SYNDIG1: variants seen among roughly 807,000 people sequenced by gnomAD.
SYNDIG1 encodes the protein synapse differentiation-inducing gene protein 1.
SYNDIG1 carries 9 observed loss-of-function variants against 19.4 expected under a neutral mutation model. The ratio of observed to expected loss-of-function variants is 0.46; its 90% CI spans 0.28 to 0.81. The LOEUF (loss-of-function observed/expected upper bound fraction) is 0.81. Among genes scored for constraint, SYNDIG1 ranks in the 30% least tolerant of loss-of-function variants. The pLI is 0.12. For missense variants in SYNDIG1, 311 were observed against 343.3 expected (o/e 0.91, Z 0.74); for synonymous variants, 141 against 145.9 (o/e 0.97, Z 0.24).
Position 24,543,064 on chromosome 20 carries a change from C to CACCA in SYNDIG1, c.-33_-30dup. ...GCAAGTGTAACCTACATTCCCAGCC[C>CACCA]ACCAGCCTGACGCCCAGCCAGGGAG... On this transcript the variant is annotated 5_prime_UTR_variant, in exon 2 of 4. Coordinates refer to ENST00000376862, the MANE Select transcript of SYNDIG1 (RefSeq NM_024893.3). The CACCA allele has an allele frequency of 6.3e-7, 1 of 1,595,732 alleles. No individual in the cohort carries two copies. Among genetic ancestry groups the CACCA allele is most frequent in the Non-Finnish European group, 8.6e-7 (1 of 1,168,066 alleles).
chr20:24,533,620 G>A (rs1276682371), intron 1 of SYNDIG1, among the ~76,000 whole-genome samples: 1 of 152,062 alleles, frequency 6.6e-6, no homozygotes, highest in Non-Finnish European at 1.5e-5. Flanking sequence ...TGTACAGCAA[G>A]TTGATCTCTG....
chr20:24,490,924 G>A (rs2056129070), intron 1 of SYNDIG1, among the ~76,000 whole-genome samples: 1 of 152,186 alleles, frequency 6.6e-6, no homozygotes, highest in African/African-American at 2.4e-5. Flanking sequence ...AATCCCAGAG[G>A]AGAAGGCCTG....
At chr20:24,572,503 G>C (rs2058160600) in intron 2 of SYNDIG1, among the ~76,000 whole-genome samples, 1 of 152,188 alleles carries the variant, frequency 6.6e-6, no homozygotes, top group Non-Finnish European at 1.5e-5. Context: ...CCACTGCCTG[G>C]AACTCTTGAG....
chr20:24,546,687 G>A (rs1350822955), intron 2 of SYNDIG1, among the ~76,000 whole-genome samples: 1 of 152,212 alleles, frequency 6.6e-6, no homozygotes, highest in Non-Finnish European at 1.5e-5. Flanking sequence ...CTCAGTCAGT[G>A]TGGGAGAGAC....
At chr20:24,488,239 G>C (rs2056026079) in intron 1 of SYNDIG1, among the ~76,000 whole-genome samples, 1 of 152,194 alleles carries the variant, frequency 6.6e-6, no homozygotes. Context: ...GAGGAAGTGT[G>C]GGAAATAATT....
intron 3 of SYNDIG1, among the ~76,000 whole-genome samples, chr20:24,596,268 A>C (rs1347856289): frequency 6.6e-6 from 1 of 152,184 alleles, no homozygotes; most frequent in Non-Finnish European, 1.5e-5. Context: ...GTATGGTTTT[A>C]AGTGATTTTC....
At chr20:24,635,883 C>A (rs1356064730) in intron 3 of SYNDIG1, among the ~76,000 whole-genome samples, 1 of 152,154 alleles carries the variant, frequency 6.6e-6, no homozygotes, top group Non-Finnish European at 1.5e-5. Context: ...ACTGTGGGGA[C>A]CCTCTCACCA....
intron 3 of SYNDIG1, among the ~76,000 whole-genome samples, chr20:24,663,131 C>T (rs1295716304): frequency 1.3e-5 from 2 of 152,162 alleles, no homozygotes; most frequent in Non-Finnish European, 2.9e-5. Flanking sequence ...CTCTGCCTTG[C>T]AGGAGTGGGC....
At chr20:24,505,336 T>C (rs1194004752) in intron 1 of SYNDIG1, among the ~76,000 whole-genome samples, 1 of 152,140 alleles carries the variant, frequency 6.6e-6, no homozygotes, top group Non-Finnish European at 1.5e-5. Context: ...GTCATATTTG[T>C]CTGAGGTCAG....
chr20:24,641,138 C>T (rs978473275), intron 3 of SYNDIG1, among the ~76,000 whole-genome samples: 17 of 152,234 alleles, frequency 1.1e-4, no homozygotes, highest in African/African-American at 3.9e-4. Flanking sequence ...AGCTGTTACT[C>T]ACTAGCTATG....
intron 1 of SYNDIG1, among the ~76,000 whole-genome samples, chr20:24,523,630 T>G (rs1420298215): frequency 6.6e-6 from 1 of 152,232 alleles, no homozygotes; most frequent in Non-Finnish European, 1.5e-5. Context: ...TTCTGTCTTT[T>G]TAAATTCCAC....
chr20:24,553,692 A>T (rs1443332734), intron 2 of SYNDIG1, among the ~76,000 whole-genome samples: 1 of 152,238 alleles, frequency 6.6e-6, no homozygotes, highest in African/African-American at 2.4e-5. Flanking sequence ...TACCAGGACC[A>T]TGCTGTTTTG....
chr20:24,630,177 G>A (rs1326774099), intron 3 of SYNDIG1, among the ~76,000 whole-genome samples: 1 of 150,658 alleles, frequency 6.6e-6, no homozygotes, highest in Admixed American at 6.7e-5. Context: ...CACAGAGTTG[G>A]TGCCCATGAT....
chr20:24,477,715 G>A (rs961507337), intron 1 of SYNDIG1, among the ~76,000 whole-genome samples: 1 of 152,196 alleles, frequency 6.6e-6, no homozygotes, highest in Non-Finnish European at 1.5e-5. Flanking sequence ...AGTGTGTCCT[G>A]TACATTATGC....
intron 3 of SYNDIG1, 61 bp downstream of exon 3, chr20:24,585,054 C>A: frequency 2.3e-6 from 3 of 1,304,144 alleles, no homozygotes; most frequent in Non-Finnish European, 3.2e-6. Context: ...GGGGTGGGGG[C>A]GGCAATCCCA....
intron 2 of SYNDIG1, among the ~76,000 whole-genome samples, chr20:24,567,446 G>T (rs2058066858): frequency 6.6e-6 from 1 of 152,122 alleles, no homozygotes. Context: ...GCCCTCTGAA[G>T]GACATCCCCA....
At chr20:24,643,296 C>T (rs1286826010) in intron 3 of SYNDIG1, among the ~76,000 whole-genome samples, 4 of 152,186 alleles carry the variant, frequency 2.6e-5, no homozygotes, top group Admixed American at 2.6e-4. Flanking sequence ...AACTGTCAAC[C>T]TGTATCTTCA....
In SYNDIG1 at chr20:24,524,309, C is replaced by T. The variant is rs1433093048; in HGVS notation, c.-78-18711C>T. Among the ~76,000 whole-genome samples, 4 of 152,266 alleles carry T rather than the reference C, an allele frequency of 2.6e-5. No individual in the cohort carries two copies. The East Asian group carries it at 7.7e-4, about 29-fold the overall frequency. ...AGCTTCTGTCCACACTCCTTCTTCTCGCCTTTGGTTAGATTCCTCATCTAC... is the reference window on the plus strand; with the variant it reads ...AGCTTCTGTCCACACTCCTTCTTCTTGCCTTTGGTTAGATTCCTCATCTAC... On this transcript the variant is annotated intron_variant, in intron 1 of 3. Coordinates refer to ENST00000376862, the MANE Select transcript of SYNDIG1 (RefSeq NM_024893.3).
chr20:24,657,491 C>G (rs1368740339), intron 3 of SYNDIG1, among the ~76,000 whole-genome samples: 4 of 152,176 alleles, frequency 2.6e-5, no homozygotes, highest in Non-Finnish European at 5.9e-5. Context: ...GGGTTGTAAC[C>G]AACACAGTCT....
Sources: gnomAD v4.1 joint callset for allele counts (sites outside exome capture counted in the v4.1 genomes callset) on GRCh38, gnomAD v4.1.1 for gene constraint, MANE v1.5 for transcripts, NCBI Gene and HGNC (gene_info 2026-07-23, HGNC 2026-07-21) for gene names.